Variants in PLA2G4E observed in about 807,000 individuals in gnomAD.
PLA2G4E encodes the protein cytosolic phospholipase A2 epsilon.
A neutral mutation model predicts 109.1 loss-of-function variants in PLA2G4E; 84 were observed. That is an observed-to-expected ratio of 0.77 (90% CI 0.65 to 0.92). The LOEUF (loss-of-function observed/expected upper bound fraction) is 0.92, where lower values mean the gene tolerates loss of function less well. Ranked by LOEUF, PLA2G4E falls within the 40% of genes least tolerant of loss-of-function variation. PLA2G4E has a pLI of 0.00. For missense variants in PLA2G4E, 1,057 were observed against 1,076.6 expected (o/e 0.98, Z 0.25); for synonymous variants, 469 against 436.1 (o/e 1.08, Z -0.94).
chr15:41,992,717 A>G lies in PLA2G4E; in HGVS notation c.1470+20T>C, dbSNP rs747982105. ...CATCAGCCAGGGCAGGGTGGGGCCC[A>G]GGAGAAGCCGAGCACCTACCTCGTC... On this transcript the variant is annotated intron_variant, in intron 13 of 19. Coordinates refer to ENST00000399518, the Ensembl canonical transcript of PLA2G4E. 3 of 1,607,440 alleles carry G rather than the reference A, an allele frequency of 1.9e-6. No individual in the cohort carries two copies. Among genetic ancestry groups the G allele is most frequent in the African/African-American group, 1.3e-5 (1 of 74,906 alleles).
chr15:42,020,383 C>A (rs1024975873), intron 1 of PLA2G4E, among the ~76,000 whole-genome samples: 7 of 152,314 alleles, frequency 4.6e-5, no homozygotes, highest in Non-Finnish European at 4.4e-5. Context: ...TGGTCTAGAG[C>A]CCTGGCAACC....
At chr15:41,984,694 C>T in intron 18 of PLA2G4E, 75 bp from the exon 19 acceptor site, 1 of 1,331,640 alleles carries the variant, frequency 7.5e-7, no homozygotes, top group Non-Finnish European at 1.0e-6. Context: ...TTCTTAGCCC[C>T]AGCTTCCTGA....
At chr15:41,997,386 G>A in intron 10 of PLA2G4E, 127 bp from the exon 11 acceptor site, 2 of 1,113,950 alleles carry the variant, frequency 1.8e-6, no homozygotes, top group Non-Finnish European at 2.4e-6. Flanking sequence ...GTGACCTTGG[G>A]TCTCCACTTT....
intron 14 of PLA2G4E, 66 bp from the exon 15 acceptor site, chr15:41,989,618 C>T: frequency 6.5e-7 from 1 of 1,544,814 alleles, no homozygotes. Context: ...AGCCGGGCCC[C>T]CCTCCTGCCT....
At chr15:41,989,988 C>G in intron 14 of PLA2G4E, 133 bp downstream of exon 14, 1 of 736,902 alleles carries the variant, frequency 1.4e-6, no homozygotes, top group African/African-American at 1.7e-5. Flanking sequence ...ATTTCTCCAG[C>G]TGTGTGCACA....
In PLA2G4E at chr15:41,989,601, TC is replaced by T. The variant is rs776197942; in HGVS notation, c.1586-50del. The T allele has an allele frequency of 1.9e-6, 3 of 1,574,224 alleles. No individual in the cohort carries two copies. In the South Asian group the frequency reaches 3.4e-5, roughly 18 times the overall value. ...GGGTCAGTCTCAGGCCAGGGAGCCG[TC>T]CACACAGCCGGGCCCCCCTCCTGCC... On this transcript the variant is annotated intron_variant, in intron 14 of 19. Coordinates refer to ENST00000399518, the Ensembl canonical transcript of PLA2G4E.
intron 1 of PLA2G4E, among the ~76,000 whole-genome samples, chr15:42,048,952 A>G (rs1889463100): frequency 6.6e-6 from 1 of 152,238 alleles, no homozygotes; most frequent in African/African-American, 2.4e-5. Flanking sequence ...TGAAGATGCC[A>G]GGGCAGGCAA....
intron 1 of PLA2G4E, among the ~76,000 whole-genome samples, chr15:42,036,145 C>T (rs1401587594): frequency 2.0e-5 from 3 of 152,182 alleles, no homozygotes; most frequent in East Asian, 1.9e-4. Context: ...ATGGCAGCGG[C>T]GGACCATCTG....
At position 42,017,455 on chromosome 15, in the gene PLA2G4E, G is replaced by A. The variant is rs1418380803; in HGVS notation, c.184-3698C>T. Among the ~76,000 whole-genome samples, 3 of 152,212 alleles carry A rather than the reference G, an allele frequency of 2.0e-5. No homozygotes were observed. In the East Asian group the frequency reaches 5.8e-4, roughly 29 times the overall value. On this transcript the variant is annotated intron_variant, in intron 1 of 19. Transcript: ENST00000399518. ...CGCAGGTGCCATGTACAGGTTCTCTGTATATTATCTTGCTTAATCCTTACA... is the reference window on the plus strand; with the variant it reads ...CGCAGGTGCCATGTACAGGTTCTCTATATATTATCTTGCTTAATCCTTACA...
At chr15:42,011,185 C>T (rs1243131141) in intron 2 of PLA2G4E, among the ~76,000 whole-genome samples, 1 of 152,232 alleles carries the variant, frequency 6.6e-6, no homozygotes, top group African/African-American at 2.4e-5. Context: ...CAGGTATCGC[C>T]CAAAGGCAGC....
chr15:42,042,573 A>G (rs1036048313), intron 1 of PLA2G4E, among the ~76,000 whole-genome samples: 4 of 152,200 alleles, frequency 2.6e-5, no homozygotes, highest in African/African-American at 9.7e-5. Flanking sequence ...AGGCCACCAT[A>G]CCAGATATTT....
exon 20 of PLA2G4E, chr15:41,983,044 TG>T (rs2068083705): frequency 6.6e-6 from 1 of 152,338 alleles, no homozygotes; most frequent in African/African-American, 2.4e-5. Flanking sequence ...CCCAGCACTT[TG>T]GGAGGCCGAG....
intron 19 of PLA2G4E, 68 bp downstream of exon 19, chr15:41,984,368 T>C (rs1464161450): frequency 2.2e-5 from 33 of 1,485,130 alleles, no homozygotes; most frequent in Non-Finnish European, 2.9e-5. Context: ...TTAGAGACTC[T>C]ACAGATCTAA....
intron 1 of PLA2G4E, among the ~76,000 whole-genome samples, chr15:42,050,348 G>T (rs1186265951): frequency 6.6e-6 from 1 of 152,202 alleles, no homozygotes; most frequent in Non-Finnish European, 1.5e-5. Context: ...ACAGAGGGAG[G>T]TAAGGACAGA....
intron 2 of PLA2G4E, among the ~76,000 whole-genome samples, chr15:42,011,069 C>G (rs1171572718): frequency 1.3e-5 from 2 of 152,272 alleles, no homozygotes; most frequent in African/African-American, 4.8e-5. Flanking sequence ...GGAATCCAGA[C>G]CAGACATGAC....
chr15:42,018,711 C>T (rs1235025335), intron 1 of PLA2G4E, among the ~76,000 whole-genome samples: 2 of 152,154 alleles, frequency 1.3e-5, no homozygotes, highest in Admixed American at 6.5e-5. Flanking sequence ...TGCCGACACA[C>T]CGTCCCAGCC....
chr15:41,994,200 T>C (rs1260971223), intron 12 of PLA2G4E, among the ~76,000 whole-genome samples: 5 of 152,254 alleles, frequency 3.3e-5, no homozygotes, highest in Non-Finnish European at 2.9e-5. Flanking sequence ...TCATAGTTTT[T>C]TGTGAGGAAG....
Position 41,985,904 on chromosome 15 carries a change from G to A in PLA2G4E, c.2137C>T (p.Leu713Phe), listed in dbSNP as rs769775573. 11 of 1,609,970 alleles carry A rather than the reference G, an allele frequency of 6.8e-6. No homozygotes were observed. In the South Asian group the frequency reaches 1.0e-4, roughly 15 times the overall value. The stretch of plus-strand genomic sequence containing the variant: ...AGGTCGGCTTTTCGCTCTGGCCTGA[G>A]GAGGGGCGGGTAGCTGGAGTTGACA... The change falls in exon 18 of 20, where the codon CTC becomes TTC. Residue 713 changes from leucine to phenylalanine, a missense_variant. Physicochemically the swap from Leu to Phe is conservative, Grantham distance 22. Coordinates refer to ENST00000399518, the Ensembl canonical transcript of PLA2G4E.
intron 15 of PLA2G4E, among the ~76,000 whole-genome samples, 153 bp downstream of exon 15, chr15:41,989,262 C>A (rs923181964): frequency 1.3e-5 from 2 of 152,172 alleles, no homozygotes; most frequent in Non-Finnish European, 2.9e-5. Flanking sequence ...GGAGAGCCCC[C>A]AGACCAACTC....
Sources: allele counts gnomAD v4.1 joint callset (sites outside exome capture counted in the v4.1 genomes callset), GRCh38; gene constraint gnomAD v4.1.1; transcripts MANE v1.5; gene names NCBI Gene and HGNC (gene_info 2026-07-23, HGNC 2026-07-21).